Variants in PTPN13 observed in about 807,000 individuals in gnomAD.
PTPN13 encodes protein tyrosine phosphatase non-receptor type 13.
In PTPN13, 191 loss-of-function variants were observed where a neutral mutation model predicts 284.0. That is an observed-to-expected ratio of 0.67 (90% CI 0.60 to 0.76). The LOEUF is 0.76. PTPN13 is among the 30% of genes least tolerant of loss of function. PTPN13 has a pLI of 0.00. For synonymous variants in PTPN13, 986 were observed against 1,022.3 expected (o/e 0.96, Z 0.68); for missense variants, 2,797 against 2,939.9 (o/e 0.95, Z 1.12).
rs141721136 is a variant in PTPN13, at chr4:86,712,901, G to GT, written c.1196-3628dup. On this transcript the variant is annotated intron_variant, in intron 7 of 47. Coordinates refer to ENST00000411767, the MANE Select transcript of PTPN13 (RefSeq NM_080683.3). Reference sequence around the variant, plus strand: ...AAGAAAAAAGAAAATAAAACATAGGGTAGTAGTAAGGGTGAGGAAATATGG... The same window carrying GT: ...AAGAAAAAAGAAAATAAAACATAGGGTTAGTAGTAAGGGTGAGGAAATATGG... 1.6e-3 allele frequency among the ~76,000 whole-genome samples: 237 copies of GT among 152,076 alleles called. 1 individual carries two copies. The highest frequency in any genetic ancestry group is 3.4e-3 in the Middle Eastern group (1 of 294).
intron 7 of PTPN13, among the ~76,000 whole-genome samples, chr4:86,706,491 G>A (rs1406540891): frequency 1.3e-5 from 2 of 152,098 alleles, no homozygotes; most frequent in East Asian, 1.9e-4. Flanking sequence ...AAACCATAAG[G>A]TGCAGGGGTT....
intron 37 of PTPN13, among the ~76,000 whole-genome samples, 168 bp downstream of exon 37, chr4:86,782,430 A>G (rs532454701): frequency 6.6e-6 from 1 of 152,246 alleles, no homozygotes; most frequent in Non-Finnish European, 1.5e-5. Flanking sequence ...TAAGTAAATC[A>G]TACAACATAG....
At chr4:86,678,703 G>GA in intron 3 of PTPN13, among the ~76,000 whole-genome samples, 1 of 152,140 alleles carries the variant, frequency 6.6e-6, no homozygotes, top group South Asian at 2.1e-4. Flanking sequence ...AATTTCCAAG[G>GA]AAAAATCTAA....
At chr4:86,813,405 G>A (rs537756055) in intron 47 of PTPN13, among the ~76,000 whole-genome samples, 1 of 152,148 alleles carries the variant, frequency 6.6e-6, no homozygotes, top group Non-Finnish European at 1.5e-5. Flanking sequence ...TGATTTTCAT[G>A]CTTTTGTTCC....
intron 37 of PTPN13, among the ~76,000 whole-genome samples, chr4:86,783,400 T>C (rs1741552668): frequency 6.6e-6 from 1 of 152,138 alleles, no homozygotes; most frequent in Non-Finnish European, 1.5e-5. Flanking sequence ...CACTGTATAG[T>C]GCTCTTCTTT....
Position 86,772,831 on chromosome 4 carries a change from A to G in PTPN13, c.5222A>G (p.Gln1741Arg). Residue 1741 changes from glutamine (Q) to arginine (R), a missense_variant, in exon 32 of 48, where the codon CAA becomes CGA. By Grantham distance (43) the Gln-to-Arg change is conservative. Transcript: ENST00000411767. ...DMAPGQSYQP[Q>R]SESASSSSMD... ...GCTCCTGGGCAGAGTTATCAACCCC[A>G]ATCAGAATCTGCTTCCTCTAGTTCG... The G allele has an allele frequency of 6.2e-7, 1 of 1,613,544 alleles. No individual in the cohort carries two copies.
In PTPN13 at chr4:86,767,821, T is replaced by C. The variant is rs1473396682; in HGVS notation, c.4334T>C (p.Val1445Ala). The change falls in exon 28 of 48, where the codon GTT (valine) becomes GCT (alanine). Residue 1445 changes from valine to alanine, a missense_variant. Coordinates refer to ENST00000411767, the MANE Select transcript of PTPN13 (RefSeq NM_080683.3). Reference protein sequence around the residue: ...VETLRNTGQVVHLLLEKGQSP... With the variant: ...VETLRNTGQVAHLLLEKGQSP... ...AATGCTATTTTACTTATCCAGGTGG[T>C]TCATCTGTTATTAGAAAAGGGACAA... The C allele has an allele frequency of 6.4e-7, 1 of 1,568,576 alleles. No individual in the cohort carries two copies. Among genetic ancestry groups the C allele is most frequent in the East Asian group, 2.3e-5 (1 of 43,880 alleles).
At chr4:86,811,242 G>A in intron 47 of PTPN13, 134 bp downstream of exon 47, 3 of 712,844 alleles carry the variant, frequency 4.2e-6, no homozygotes, top group South Asian at 3.3e-5. Context: ...CTGCAGTGAG[G>A]GGCATTTTTT....
chr4:86,627,507 G>GT (rs1253185385), intron 1 of PTPN13, among the ~76,000 whole-genome samples: 3 of 141,500 alleles, frequency 2.1e-5, no homozygotes, highest in African/African-American at 7.6e-5. Flanking sequence ...TTTAGTTTTT[G>GT]GTTTTTTTTT....
At chr4:86,767,276 G>A (rs1033312374) in intron 27 of PTPN13, among the ~76,000 whole-genome samples, 7 of 136,146 alleles carry the variant, frequency 5.1e-5, no homozygotes, top group African/African-American at 1.1e-4. Context: ...ATGGAATTTC[G>A]CTCTTGTCAC....
intron 1 of PTPN13, among the ~76,000 whole-genome samples, chr4:86,610,018 T>A (rs1765125248): frequency 6.6e-6 from 1 of 151,980 alleles, no homozygotes; most frequent in Admixed American, 6.6e-5. Flanking sequence ...GTACCTAAAG[T>A]TTAGATTCAA....
In PTPN13 at chr4:86,684,181, G is replaced by A. The variant is rs752803943; in HGVS notation, c.295-2529G>A. On this transcript the variant is annotated intron_variant, in intron 3 of 47. Transcript: ENST00000411767. Reference sequence around the variant, plus strand: ...ATACAACAAGGTAATAGTTAACTACGTCATCAAAGTGTGGTGCAGAAATAT... The same window carrying A: ...ATACAACAAGGTAATAGTTAACTACATCATCAAAGTGTGGTGCAGAAATAT... 3.3e-5 allele frequency among the ~76,000 whole-genome samples: 5 copies of A among 151,596 alleles called. No homozygotes were observed. In the East Asian group the frequency reaches 9.7e-4, roughly 29 times the overall value.
chr4:86,671,099 T>C (rs1727673077), intron 2 of PTPN13, among the ~76,000 whole-genome samples: 1 of 152,206 alleles, frequency 6.6e-6, no homozygotes, highest in South Asian at 2.1e-4. Context: ...ATTAAAGACA[T>C]GTCTCAGATT....
At chr4:86,702,743 G>A (rs1731302346) in intron 7 of PTPN13, among the ~76,000 whole-genome samples, 1 of 152,028 alleles carries the variant, frequency 6.6e-6, no homozygotes. Context: ...GAGAAAAGAA[G>A]AGATAATTTT....
intron 17 of PTPN13, among the ~76,000 whole-genome samples, chr4:86,749,297 C>G (rs1245171519): frequency 6.6e-6 from 1 of 151,924 alleles, no homozygotes; most frequent in Non-Finnish European, 1.5e-5. Context: ...CCTCCTCCTC[C>G]TTTTTCTTCA....
At chr4:86,741,164 C>T in intron 15 of PTPN13, among the ~76,000 whole-genome samples, 1 of 152,200 alleles carries the variant, frequency 6.6e-6, no homozygotes, top group South Asian at 2.1e-4. Context: ...GTTCCAAAGT[C>T]ACTTCCACAT....
At chr4:86,787,592 C>CAAAAA (rs71657586) in intron 40 of PTPN13, among the ~76,000 whole-genome samples, 1,779 of 130,634 alleles carry the variant, frequency 0.014, 26 homozygotes, top group Non-Finnish European at 0.021. Context: ...GATTCTGTCT[C>CAAAAA]AAAAAAAAAA....
In PTPN13 at chr4:86,671,861, G is replaced by A. The variant is rs1391997732; in HGVS notation, c.116-504G>A. 5.9e-5 allele frequency among the ~76,000 whole-genome samples: 9 copies of A among 152,084 alleles called. No homozygotes were observed. In the South Asian group the frequency reaches 1.2e-3, roughly 21 times the overall value. On this transcript the variant is annotated intron_variant, in intron 2 of 47. Coordinates refer to ENST00000411767, the MANE Select transcript of PTPN13 (RefSeq NM_080683.3). ...ATTTCAGAACACTATAGTCTAAATC[G>A]GAATCTTAACTTGGGATCTATAAAT...
intron 7 of PTPN13, among the ~76,000 whole-genome samples, chr4:86,705,699 G>T (rs907408378): frequency 2.0e-5 from 3 of 152,170 alleles, no homozygotes; most frequent in Admixed American, 2.0e-4. Flanking sequence ...TCTTGGGCTT[G>T]TAAAGATTTA....
Sources: allele counts gnomAD v4.1 joint callset (sites outside exome capture counted in the v4.1 genomes callset), GRCh38; gene constraint gnomAD v4.1.1; transcripts MANE v1.5; gene names NCBI Gene and HGNC (gene_info 2026-07-23, HGNC 2026-07-21).